The following ARAP2 variants were observed in gnomAD, a reference collection of about 807,000 sequenced individuals.
ARAP2 encodes arf-GAP with Rho-GAP domain, ANK repeat and PH domain-containing protein 2.
In ARAP2, 148 loss-of-function variants were observed where a neutral mutation model predicts 194.5. The observed-to-expected ratio is 0.76, with a 90% CI of 0.67 to 0.87. The LOEUF (loss-of-function observed/expected upper bound fraction) is 0.87, where lower values mean the gene tolerates loss of function less well. ARAP2 is among the 40% of genes least tolerant of loss of function. The pLI is 0.00. For missense variants in ARAP2, 2,128 were observed against 1,989.7 expected (o/e 1.07, Z -1.32); for synonymous variants, 695 against 683.5 (o/e 1.02, Z -0.26).
intron 10 of ARAP2, 97 bp downstream of exon 10, chr4:36,166,835 T>C (rs751550737): frequency 1.6e-5 from 9 of 551,504 alleles, no homozygotes; most frequent in Non-Finnish European, 2.6e-5. Context: ...TAATTTTAAA[T>C]GGCCTACAAG....
At chr4:36,106,204 C>T (rs1333022517) in intron 27 of ARAP2, among the ~76,000 whole-genome samples, 4 of 151,898 alleles carry the variant, frequency 2.6e-5, no homozygotes, top group Admixed American at 2.6e-4. Context: ...TACTTTATGA[C>T]ATGTGCATTC....
intron 11 of ARAP2, 96 bp from the exon 12 acceptor site, chr4:36,161,646 T>C: frequency 1.1e-6 from 1 of 948,994 alleles, no homozygotes; most frequent in Non-Finnish European, 1.6e-6. Flanking sequence ...TGTATGTTCG[T>C]TGCGTATCTT....
chr4:36,026,336 C>T (rs1046518471), intron 5 of ARAP2, among the ~76,000 whole-genome samples: 1 of 152,158 alleles, frequency 6.6e-6, no homozygotes, highest in Admixed American at 6.6e-5. Flanking sequence ...TCCTTAATGA[C>T]CTGGAAGAAC....
chr4:36,043,766 G>C (rs1721258765), intron 5 of ARAP2, among the ~76,000 whole-genome samples: 1 of 107,182 alleles, frequency 9.3e-6, no homozygotes, highest in Non-Finnish European at 2.0e-5. Flanking sequence ...CCATGAGAAA[G>C]AAAAATAAAG....
At chr4:36,031,301 G>A (rs1718905408) in intron 5 of ARAP2, among the ~76,000 whole-genome samples, 1 of 151,936 alleles carries the variant, frequency 6.6e-6, no homozygotes, top group South Asian at 2.1e-4. Flanking sequence ...TGTTGTCCTT[G>A]TATACAACCA....
At chr4:36,221,613 A>C (rs1300537158) in intron 2 of ARAP2, among the ~76,000 whole-genome samples, 1 of 152,158 alleles carries the variant, frequency 6.6e-6, no homozygotes, top group Non-Finnish European at 1.5e-5. Context: ...TAAAATGTGA[A>C]GAAAAAAGTT....
intron 26 of ARAP2, among the ~76,000 whole-genome samples, chr4:36,108,734 A>T (rs550296303): frequency 3.9e-5 from 6 of 152,154 alleles, no homozygotes; most frequent in Non-Finnish European, 8.8e-5. Context: ...GTTTTTGATG[A>T]TCAAAATATG....
At chr4:36,122,758 T>C (rs1288428987) in intron 22 of ARAP2, among the ~76,000 whole-genome samples, 1 of 151,204 alleles carries the variant, frequency 6.6e-6, no homozygotes, top group Non-Finnish European at 1.5e-5. Context: ...AACTTAAAAG[T>C]TTACAAAAAA....
In ARAP2 at chr4:36,013,935, A is replaced by G. The variant is rs541500932; in HGVS notation, n.1057-1104T>C. 7.2e-5 allele frequency among the ~76,000 whole-genome samples: 11 copies of G among 152,206 alleles called. No individual in the cohort carries two copies. In the East Asian group the frequency reaches 2.1e-3, roughly 29 times the overall value. Reference sequence around the variant, plus strand: ...CAGTAGGAACTCAACCTGTTGAATAAAATTAAGTAGCAACTGGCTGAGCAC... The same window carrying G: ...CAGTAGGAACTCAACCTGTTGAATAGAATTAAGTAGCAACTGGCTGAGCAC... On this transcript the variant is annotated intron_variant and non_coding_transcript_variant, in intron 8 of 12. Transcript: ENST00000503225.
chr4:36,141,127 T>C (rs1414361423), intron 19 of ARAP2, among the ~76,000 whole-genome samples: 5 of 151,706 alleles, frequency 3.3e-5, no homozygotes, highest in Non-Finnish European at 7.4e-5. Context: ...AAGATGTAAT[T>C]TCTTGAACAT....
At chr4:36,206,857 A>C (rs1745644187) in intron 6 of ARAP2, among the ~76,000 whole-genome samples, 1 of 152,200 alleles carries the variant, frequency 6.6e-6, no homozygotes. Flanking sequence ...ATGGCCAAAA[A>C]AAAAGTTAAA....
chr4:36,198,981 T>C (rs569962113), intron 6 of ARAP2, among the ~76,000 whole-genome samples: 1 of 152,216 alleles, frequency 6.6e-6, no homozygotes, highest in Non-Finnish European at 1.5e-5. Flanking sequence ...TCTGCTCCAG[T>C]GGGAGGCCTG....
In ARAP2 at chr4:36,161,321, T is replaced by C. The variant is rs992351783; in HGVS notation, c.2259+144A>G. The C allele has an allele frequency of 8.5e-5, 53 of 622,874 alleles. 1 individual carries two copies. The highest frequency in any genetic ancestry group is 2.6e-4 in the Middle Eastern group (1 of 3,902). 38.6% of individuals were successfully genotyped at this position (622,874 alleles called of 1,614,324 possible). On this transcript the variant is annotated intron_variant, in intron 12 of 32. Coordinates refer to ENST00000303965, the MANE Select transcript of ARAP2 (RefSeq NM_015230.4). ...AAAGAGTTACTACTATCAAAAAGGC[T>C]ATAAGCCACTTCCATAATGTGGTGA...
intron 5 of ARAP2, among the ~76,000 whole-genome samples, chr4:36,034,428 G>T (rs182871550): frequency 6.6e-6 from 1 of 152,192 alleles, no homozygotes; most frequent in Admixed American, 6.6e-5. Flanking sequence ...TTGCCTTCCT[G>T]ATTTGGCTCT....
intron 5 of ARAP2, among the ~76,000 whole-genome samples, chr4:36,040,488 T>A (rs2109224535): frequency 6.6e-6 from 1 of 152,318 alleles, no homozygotes; most frequent in East Asian, 1.9e-4. Context: ...AGGATGTTTT[T>A]TCCATTCATT....
chr4:36,189,609 T>C (rs1383131283), intron 7 of ARAP2, among the ~76,000 whole-genome samples: 2 of 152,166 alleles, frequency 1.3e-5, no homozygotes, highest in African/African-American at 4.8e-5. Context: ...TACTTTTTAC[T>C]TTGGTAAGAT....
In ARAP2 at chr4:36,201,378, T is replaced by G. The variant is rs142787615; in HGVS notation, c.1488-7731A>C. Among the ~76,000 whole-genome samples the G allele has an allele frequency of 6.6e-5, 10 of 152,332 alleles. No individual in the cohort carries two copies. The East Asian group carries it at 1.2e-3, about 18-fold the overall frequency. The stretch of plus-strand genomic sequence containing the variant: ...CTGTAGGTAGTAATAACATTTGACC[T>G]CTACATTTTATATGTGAGTTCAGTC... On this transcript the variant is annotated intron_variant, in intron 6 of 32. Coordinates refer to ENST00000303965, the MANE Select transcript of ARAP2 (RefSeq NM_015230.4).
chr4:36,175,899 T>G (rs1202604318), intron 9 of ARAP2, among the ~76,000 whole-genome samples: 1 of 152,186 alleles, frequency 6.6e-6, no homozygotes, highest in Non-Finnish European at 1.5e-5. Flanking sequence ...CATCATATAT[T>G]CTGGTCTTGT....
chr4:36,193,348 G>A (rs541909943), intron 7 of ARAP2, among the ~76,000 whole-genome samples: 7 of 152,286 alleles, frequency 4.6e-5, no homozygotes, highest in Admixed American at 6.5e-5. Flanking sequence ...CTACAAAAAA[G>A]AGCATGTGGT....
Sources: allele counts gnomAD v4.1 joint callset (sites outside exome capture counted in the v4.1 genomes callset), GRCh38; gene constraint gnomAD v4.1.1; transcripts MANE v1.5; gene names NCBI Gene and HGNC (gene_info 2026-07-23, HGNC 2026-07-21).